The following ACAP2 variants were observed in gnomAD, a reference collection of about 807,000 sequenced individuals.
ACAP2 encodes the protein ArfGAP with coiled-coil, ankyrin repeat and PH domains 2.
In ACAP2, 39 loss-of-function variants were observed where a neutral mutation model predicts 115.8. The ratio of observed to expected loss-of-function variants is 0.34; its 90% CI spans 0.26 to 0.44. The LOEUF is 0.44. Among genes scored for constraint, ACAP2 ranks in the 20% least tolerant of loss-of-function variants. The pLI is 1.00. For missense variants in ACAP2, 662 were observed against 927.6 expected, an observed-to-expected ratio of 0.71 and a Z score of 3.72; for synonymous variants, 289 against 315.8, an observed-to-expected ratio of 0.92 and a Z score of 0.90.
At chr3:195,384,954 G>T (rs764083502) in intron 2 of ACAP2, among the ~76,000 whole-genome samples, 9 of 151,978 alleles carry the variant, frequency 5.9e-5, no homozygotes, top group Non-Finnish European at 1.0e-4. Context: ...AAAAATATAG[G>T]GTTCTCAGCT....
At chr3:195,405,427 C>T (rs554550805) in intron 1 of ACAP2, among the ~76,000 whole-genome samples, 13 of 152,124 alleles carry the variant, frequency 8.5e-5, no homozygotes, top group South Asian at 6.2e-4. Flanking sequence ...TGGCTCACGC[C>T]GGTAATCCCA....
intron 17 of ACAP2, 113 bp from the exon 18 acceptor site, chr3:195,294,924 A>C (rs1396238904): frequency 5.0e-6 from 3 of 599,514 alleles, no homozygotes; most frequent in African/African-American, 1.9e-5. Flanking sequence ...CTCAGGCACC[A>C]CAAGGAGAAT....
At chr3:195,438,572 ATTAAAACC>A (rs966303515) in intron 1 of ACAP2, among the ~76,000 whole-genome samples, 2 of 152,120 alleles carry the variant, frequency 1.3e-5, no homozygotes, top group African/African-American at 4.8e-5. Context: ...TCTTTCGCCC[ATTAAAACC>A]TTTCACCTGA....
intron 12 of ACAP2, chr3:195,306,922 C>T: frequency 3.1e-6 from 1 of 323,620 alleles, no homozygotes; most frequent in Non-Finnish European, 5.5e-6. Context: ...CTACTGGGTA[C>T]AAACATAAAA....
At chr3:195,406,320 A>T (rs1017256252) in intron 1 of ACAP2, among the ~76,000 whole-genome samples, 1 of 152,168 alleles carries the variant, frequency 6.6e-6, no homozygotes, top group Admixed American at 6.5e-5. Flanking sequence ...ATAGACTGTA[A>T]AACTTCAGTC....
In ACAP2 at chr3:195,392,079, G is replaced by A. The variant is rs780691653; in HGVS notation, c.111+11C>T. On this transcript the variant is annotated intron_variant, in intron 2 of 22. Transcript: ENST00000326793. ...AATCAATGTTTCAAAAAGCTAACTT[G>A]TAAAATTTACCTTATCAAGTTTTAG... 6.2e-7 allele frequency: 1 copy of A among 1,608,536 alleles called. No individual in the cohort carries two copies. The highest frequency in any genetic ancestry group is 8.5e-7 in the Non-Finnish European group (1 of 1,175,790).
chr3:195,380,834 A>G (rs1733893026), intron 4 of ACAP2, among the ~76,000 whole-genome samples, 175 bp downstream of exon 4: 1 of 152,170 alleles, frequency 6.6e-6, no homozygotes, highest in Admixed American at 6.5e-5. Flanking sequence ...GCATGCACAC[A>G]CACACTCACA....
chr3:195,317,051 C>G (rs1729141769), intron 10 of ACAP2, among the ~76,000 whole-genome samples: 1 of 151,776 alleles, frequency 6.6e-6, no homozygotes, highest in Non-Finnish European at 1.5e-5. Context: ...GCATACACCA[C>G]CACGCCAGGC....
chr3:195,391,414 T>C (rs1383599108), intron 2 of ACAP2, among the ~76,000 whole-genome samples: 1 of 151,832 alleles, frequency 6.6e-6, no homozygotes, highest in Non-Finnish European at 1.5e-5. Context: ...TTAGTGGAGA[T>C]GAGGTTTCTC....
In ACAP2 at chr3:195,291,703, T is replaced by C. The variant is rs1727265945; in HGVS notation, c.2063+3A>G. On this transcript the variant is annotated splice_donor_region_variant and intron_variant, in intron 20 of 22. Coordinates refer to ENST00000326793, the MANE Select transcript of ACAP2 (RefSeq NM_012287.6). ...TCCTTAAATATGAAAGCACTGCAGT[T>C]ACCCTGTGTGCCCTAAGACGGTGGC... 6.2e-7 allele frequency: 1 copy of C among 1,606,910 alleles called. No homozygotes were observed. Among genetic ancestry groups the C allele is most frequent in the African/African-American group, 1.3e-5 (1 of 74,482 alleles).
intron 2 of ACAP2, 91 bp from the exon 3 acceptor site, chr3:195,382,113 C>G: frequency 8.3e-7 from 1 of 1,200,022 alleles, no homozygotes; most frequent in Non-Finnish European, 1.2e-6. Context: ...ATGAGGTGAC[C>G]TAGTTAAGTT....
intron 4 of ACAP2, chr3:195,355,992 G>C (rs968106980): frequency 2.4e-6 from 1 of 411,262 alleles, no homozygotes; most frequent in Non-Finnish European, 5.0e-6. Flanking sequence ...CTCCCTGCAG[G>C]AACACCAAAT....
chr3:195,326,682 C>G (rs1729817715), intron 9 of ACAP2: 2 of 486,934 alleles, frequency 4.1e-6, no homozygotes, highest in Non-Finnish European at 7.3e-6. Flanking sequence ...AGAAGCATAG[C>G]TTTCAAAGAT....
chr3:195,350,705 A>G (rs750453520), intron 4 of ACAP2, among the ~76,000 whole-genome samples: 7 of 151,812 alleles, frequency 4.6e-5, no homozygotes, highest in Non-Finnish European at 1.0e-4. Flanking sequence ...GAAATTACCC[A>G]CGCATATGGT....
intron 1 of ACAP2, among the ~76,000 whole-genome samples, chr3:195,425,051 A>G (rs1714576372): frequency 1.3e-5 from 2 of 149,228 alleles, no homozygotes; most frequent in Non-Finnish European, 1.5e-5. Context: ...AAAAAAAAAA[A>G]AAAGAGTTGA....
intron 9 of ACAP2, among the ~76,000 whole-genome samples, chr3:195,323,268 A>G (rs373757246): frequency 2.0e-5 from 3 of 152,222 alleles, no homozygotes; most frequent in African/African-American, 7.2e-5. Context: ...GATTGGAAAG[A>G]AAGGAAAAAA....
intron 2 of ACAP2, among the ~76,000 whole-genome samples, chr3:195,382,458 TTC>T (rs1734012180): frequency 6.6e-6 from 1 of 152,128 alleles, no homozygotes; most frequent in Non-Finnish European, 1.5e-5. Flanking sequence ...ATCTTTCTCT[TTC>T]TCTCTCTCCC....
intron 17 of ACAP2, chr3:195,295,116 G>T: frequency 1.4e-6 from 1 of 721,708 alleles, no homozygotes; most frequent in Admixed American, 2.9e-5. Context: ...CTGAGACAAT[G>T]GGTAACATCT....
At chr3:195,310,761 T>G (rs1728712294) in intron 10 of ACAP2, among the ~76,000 whole-genome samples, 2 of 152,222 alleles carry the variant, frequency 1.3e-5, no homozygotes, top group Non-Finnish European at 2.9e-5. Context: ...ATCATATGTA[T>G]TTCTGAAACC....
Sources: allele counts gnomAD v4.1 joint callset (sites outside exome capture counted in the v4.1 genomes callset), GRCh38; gene constraint gnomAD v4.1.1; transcripts MANE v1.5; gene names NCBI Gene and HGNC (gene_info 2026-07-23, HGNC 2026-07-21).